Variants in AKT3 observed in about 807,000 individuals in gnomAD.
The protein encoded by AKT3 is AKT serine/threonine kinase 3.
AKT3 carries 15 observed loss-of-function variants against 65.3 expected under a neutral mutation model. That is an observed-to-expected ratio of 0.23 (90% CI 0.15 to 0.35). The LOEUF (loss-of-function observed/expected upper bound fraction) is 0.35. Ranked by LOEUF, AKT3 falls within the 10% of genes least tolerant of loss-of-function variation. The probability of loss-of-function intolerance (pLI) is 1.00; values close to 1 mark genes in which losing one functional copy is unlikely to be tolerated. For synonymous variants in AKT3, 206 were observed against 183.8 expected, an observed-to-expected ratio of 1.12 and a Z score of -0.98; for missense variants, 243 against 576.5, an observed-to-expected ratio of 0.42 and a Z score of 5.92.
Position 243,550,382 on chromosome 1 carries a change from A to G in AKT3, c.1163+2347T>C, listed in dbSNP as rs1672964268. ...AGGAATTGTTCTATTAATACATACTAGGCGGTTAACATTCTAAGAATTTGC... is the reference window on the plus strand; with the variant it reads ...AGGAATTGTTCTATTAATACATACTGGGCGGTTAACATTCTAAGAATTTGC... On this transcript the variant is annotated intron_variant, in intron 11 of 13. Transcript: ENST00000673466. 2.6e-5 allele frequency among the ~76,000 whole-genome samples: 4 copies of G among 152,182 alleles called. No individual in the cohort carries two copies. The South Asian group carries it at 6.2e-4, about 24-fold the overall frequency.
intron 2 of AKT3, among the ~76,000 whole-genome samples, chr1:243,788,371 T>C (rs1026968383): frequency 6.6e-6 from 1 of 152,236 alleles, no homozygotes; most frequent in African/African-American, 2.4e-5. Flanking sequence ...CAACTCTATA[T>C]ACATTTCATA....
At chr1:243,497,339 G>GGT (rs1553385245), downstream of AKT3, among the ~76,000 whole-genome samples, 1 of 143,530 alleles carries the variant, frequency 7.0e-6, no homozygotes. Flanking sequence ...GGCACGGGTG[G>GGT]GGGGGGGGGC....
rs77858644 is a variant in AKT3, at chr1:243,537,771, C to T, written c.1251+7739G>A. Reference sequence around the variant, plus strand: ...GCAGTGTATTCACAGGCCACCTGTCCGCTGTTTACATCCAGATTCTATCCA... The same window carrying T: ...GCAGTGTATTCACAGGCCACCTGTCTGCTGTTTACATCCAGATTCTATCCA... On this transcript the variant is annotated intron_variant, in intron 12 of 13. Coordinates refer to ENST00000673466, the MANE Select transcript of AKT3 (RefSeq NM_005465.7). 2.4e-3 allele frequency among the ~76,000 whole-genome samples: 368 copies of T among 152,282 alleles called. 2 individuals are homozygous for T. Among genetic ancestry groups the T allele is most frequent in the Non-Finnish European group, 4.4e-3 (298 of 68,010 alleles).
At chr1:243,682,988 C>T (rs1684028697) in intron 3 of AKT3, among the ~76,000 whole-genome samples, 1 of 152,168 alleles carries the variant, frequency 6.6e-6, no homozygotes, top group Admixed American at 6.5e-5. Context: ...TCCCAAGGGT[C>T]TGTGGCATAT....
At chr1:243,697,347 G>A (rs115726065) in intron 2 of AKT3, among the ~76,000 whole-genome samples, 1 of 151,842 alleles carries the variant, frequency 6.6e-6, no homozygotes, top group Non-Finnish European at 1.5e-5. Context: ...GCAGTATGTT[G>A]TTTTGGTTTA....
At chr1:243,642,578 G>A (rs1032448892) in intron 5 of AKT3, among the ~76,000 whole-genome samples, 10 of 152,016 alleles carry the variant, frequency 6.6e-5, no homozygotes, top group African/African-American at 1.5e-4. Flanking sequence ...CAAAGTGCTG[G>A]GATTACAGGC....
At chr1:243,799,767 G>GA (rs879696074) in intron 2 of AKT3, among the ~76,000 whole-genome samples, 1 of 151,978 alleles carries the variant, frequency 6.6e-6, no homozygotes, top group Non-Finnish European at 1.5e-5. Context: ...TGTTACTTAA[G>GA]AAAAAATAAA....
intron 2 of AKT3, among the ~76,000 whole-genome samples, chr1:243,837,394 A>C (rs1226276164): frequency 6.6e-6 from 1 of 152,196 alleles, no homozygotes; most frequent in African/African-American, 2.4e-5. Context: ...TCAAACACTG[A>C]AGAAAAAATA....
rs552386636 is a variant in AKT3 at position 243,718,361 on chromosome 1, G to A, written c.47-22645C>T. 3.8e-3 allele frequency among the ~76,000 whole-genome samples: 578 copies of A among 152,188 alleles called. 3 individuals are homozygous for A. The highest frequency in any genetic ancestry group is 6.6e-3 in the Non-Finnish European group (452 of 68,004). ...GGAAACATCAAGTGAGTCATGTAGT[G>A]TATTTTTAATTTATAATTATTAAAT... On this transcript the variant is annotated intron_variant, in intron 2 of 13. Coordinates refer to ENST00000673466, the MANE Select transcript of AKT3 (RefSeq NM_005465.7).
chr1:243,624,787 T>C (rs1679024584), intron 6 of AKT3: 1 of 205,798 alleles, frequency 4.9e-6, no homozygotes, highest in East Asian at 1.2e-4. Context: ...GTGAATGAGT[T>C]TGTCTCTGTC....
Position 243,722,983 on chromosome 1 carries a change from C to T in AKT3, c.47-27267G>A, listed in dbSNP as rs77286486. On this transcript the variant is annotated intron_variant, in intron 2 of 13. Coordinates refer to ENST00000673466, the MANE Select transcript of AKT3 (RefSeq NM_005465.7). ...TAATATGTTAATATGTGTTTTAATACATTAGTTTACAAGTAATAATAAGGT... is the reference window on the plus strand; with the variant it reads ...TAATATGTTAATATGTGTTTTAATATATTAGTTTACAAGTAATAATAAGGT... Among the ~76,000 whole-genome samples the T allele has an allele frequency of 5.3e-3, 810 of 152,184 alleles. 5 individuals carry two copies. The highest frequency in any genetic ancestry group is 0.018 in the African/African-American group (751 of 41,514).
chr1:243,782,009 A>G (rs1487977806), intron 2 of AKT3, among the ~76,000 whole-genome samples: 1 of 152,060 alleles, frequency 6.6e-6, no homozygotes, highest in Non-Finnish European at 1.5e-5. Flanking sequence ...TTTTTGTAGA[A>G]GTGGAGTCTT....
At chr1:243,811,448 G>C (rs1693146181) in intron 2 of AKT3, among the ~76,000 whole-genome samples, 1 of 152,050 alleles carries the variant, frequency 6.6e-6, no homozygotes, top group Non-Finnish European at 1.5e-5. Context: ...AAATACCTAG[G>C]AATCCAACTT....
At chr1:243,718,075 A>G (rs1246036753) in intron 2 of AKT3, among the ~76,000 whole-genome samples, 3 of 152,240 alleles carry the variant, frequency 2.0e-5, no homozygotes, top group Non-Finnish European at 4.4e-5. Context: ...GATGCTATGC[A>G]TAAGAAAACA....
intron 9 of AKT3, among the ~76,000 whole-genome samples, chr1:243,567,386 C>T (rs967349045): frequency 2.0e-5 from 3 of 152,058 alleles, no homozygotes; most frequent in African/African-American, 4.8e-5. Context: ...CAGCTCACTG[C>T]AGCCTCAACC....
intron 12 of AKT3, among the ~76,000 whole-genome samples, chr1:243,535,903 T>A (rs1436013135): frequency 6.6e-6 from 1 of 152,190 alleles, no homozygotes; most frequent in African/African-American, 2.4e-5. Flanking sequence ...TTGACTTTTT[T>A]AAAATGACCA....
chr1:243,658,818 A>C lies in AKT3; in HGVS notation c.284+5954T>G, dbSNP rs191908035. ...CGAGGGAGGAGTATTGCTTGAGGCC[A>C]GGAGTTCCAGACAAGCCCTGGCAAC... On this transcript the variant is annotated intron_variant, in intron 4 of 13. Coordinates refer to ENST00000673466, the MANE Select transcript of AKT3 (RefSeq NM_005465.7). 3.4e-3 allele frequency among the ~76,000 whole-genome samples: 509 copies of C among 150,082 alleles called. 2 individuals are homozygous for C. The highest frequency in any genetic ancestry group is 0.012 in the African/African-American group (491 of 40,750).
chr1:243,695,740 T>C (rs1376387101), intron 2 of AKT3, 24 bp from the exon 3 acceptor site: 1 of 1,560,096 alleles, frequency 6.4e-7, no homozygotes, highest in South Asian at 1.2e-5. Context: ...GCACGCATGT[T>C]AATGCTGAAA....
intron 2 of AKT3, among the ~76,000 whole-genome samples, chr1:243,830,580 T>G (rs1036804026): frequency 1.3e-5 from 2 of 152,144 alleles, no homozygotes; most frequent in African/African-American, 4.8e-5. Context: ...CCACCAGTGC[T>G]CAGAGCTGTT....
Sources: gnomAD v4.1 joint callset for allele counts (sites outside exome capture counted in the v4.1 genomes callset) on GRCh38, gnomAD v4.1.1 for gene constraint, MANE v1.5 for transcripts, NCBI Gene and HGNC (gene_info 2026-07-23, HGNC 2026-07-21) for gene names.